D2HGDH: variants seen among roughly 807,000 people sequenced by gnomAD.
The protein encoded by D2HGDH is D-2-hydroxyglutarate dehydrogenase.
Under a neutral mutation model 46.9 loss-of-function variants are expected in D2HGDH, and 31 were observed. That is an observed-to-expected ratio of 0.66 (90% CI 0.50 to 0.89). The LOEUF (loss-of-function observed/expected upper bound fraction) is 0.89, where lower values mean the gene tolerates loss of function less well. Among genes scored for constraint, D2HGDH ranks in the 40% least tolerant of loss-of-function variants. The pLI is 0.00. For synonymous variants in D2HGDH, 364 were observed against 332.6 expected, an observed-to-expected ratio of 1.09 and a Z score of -1.03; for missense variants, 698 against 720.8, an observed-to-expected ratio of 0.97 and a Z score of 0.36.
chr2:241,735,622 C>A (rs1416579170), intron 2 of D2HGDH, 106 bp downstream of exon 2: 3 of 1,485,334 alleles, frequency 2.0e-6, no homozygotes, highest in Non-Finnish European at 2.7e-6. Context: ...GGGGTGCCAG[C>A]CCCTGGCTGC....
At chr2:241,753,887 T>C (rs545212392) in intron 8 of D2HGDH, among the ~76,000 whole-genome samples, 1 of 152,168 alleles carries the variant, frequency 6.6e-6, no homozygotes, top group Non-Finnish European at 1.5e-5. Flanking sequence ...GCTCAGCCCA[T>C]GGCCCCTCAG....
intron 6 of D2HGDH, among the ~76,000 whole-genome samples, chr2:241,745,883 C>T (rs62192012): frequency 0.099 from 15,086 of 152,158 alleles, 894 homozygotes; most frequent in African/African-American, 0.16. Context: ...AACGCTGACC[C>T]GCTGTCCTCT....
At position 241,735,168 on chromosome 2, in the gene D2HGDH, G is replaced by C; in HGVS notation, c.-57G>C. On this transcript the variant is annotated 5_prime_UTR_variant, in exon 2 of 10. Transcript: ENST00000321264. ...AGCGGCTCCCTGCCCTTCCCCTCCG[G>C]GCCCTGAGTACCGGCCCCCCACCAA... 2 of 1,444,584 alleles carry C rather than the reference G, an allele frequency of 1.4e-6. No homozygotes were observed. The highest frequency in any genetic ancestry group is 9.0e-7 in the Non-Finnish European group (1 of 1,110,042). The allele number at this position is 1,444,584 out of a possible 1,614,324, so 89.5% of individuals were successfully genotyped here. A position where few individuals can be genotyped will look rare whatever the true frequency, so the allele number is the denominator to read the frequency against.
At chr2:241,738,770 C>T (rs528089745) in intron 2 of D2HGDH, among the ~76,000 whole-genome samples, 1 of 152,338 alleles carries the variant, frequency 6.6e-6, no homozygotes, top group South Asian at 2.1e-4. Flanking sequence ...TCCTCTGCGT[C>T]CTGCTGCCCC....
intron 8 of D2HGDH, 52 bp downstream of exon 8, chr2:241,751,440 C>G (rs554512050): frequency 6.2e-7 from 1 of 1,607,204 alleles, no homozygotes; most frequent in East Asian, 2.2e-5. Context: ...CCAGTCCAGC[C>G]TTGTCTTGGG....
Position 241,755,975 on chromosome 2 carries a change from G to A in D2HGDH, c.1267G>A (p.Gly423Ser), listed in dbSNP as rs372062694. 1.9e-5 allele frequency: 30 copies of A among 1,604,630 alleles called. No individual in the cohort carries two copies. The African/African-American group carries it at 2.0e-4, about 11-fold the overall frequency. Reference sequence around the variant, plus strand: ...CGTGACTGACCTGCGCGCCCGCCTCGGCCCGCACGCCAAGCACGTGGTGGG... The same window carrying A: ...CGTGACTGACCTGCGCGCCCGCCTCAGCCCGCACGCCAAGCACGTGGTGGG... Reference protein sequence around the residue: ...DIVTDLRARLGPHAKHVVGYG... With the variant: ...DIVTDLRARLSPHAKHVVGYG... The change falls in exon 9 of 10, where the codon GGC becomes AGC. Residue 423 changes from glycine to serine, a missense_variant. Coordinates refer to ENST00000321264, the MANE Select transcript of D2HGDH (RefSeq NM_152783.5).
Position 241,750,271 on chromosome 2 carries a change from T to C in D2HGDH, c.974T>C (p.Leu325Pro). 6.2e-7 allele frequency: 1 copy of C among 1,613,638 alleles called. No individual in the cohort carries two copies. Among genetic ancestry groups the C allele is most frequent in the Non-Finnish European group, 8.5e-7 (1 of 1,180,022 alleles). Residue 325 changes from leucine to proline, a missense_variant, in exon 7 of 10, where the codon CTC (leucine) becomes CCC (proline). Coordinates refer to ENST00000321264, the MANE Select transcript of D2HGDH (RefSeq NM_152783.5). ...TGCATGCAGCTGGTCGGGCGCCATC[T>C]CCACCTGGCCAGCCCGGTGCAAGGT... ...AVCMQLVGRH[L>P]HLASPVQESP... is the part of the protein sequence containing the mutation.
chr2:241,734,993 G>T, intron 1 of D2HGDH, 140 bp from the exon 2 acceptor site: 1 of 523,990 alleles, frequency 1.9e-6, no homozygotes, highest in Non-Finnish European at 3.3e-6. Flanking sequence ...GCGCTCGCGG[G>T]GTTGCGGCCC....
intron 2 of D2HGDH, among the ~76,000 whole-genome samples, chr2:241,737,213 G>A (rs1693154123): frequency 6.6e-6 from 1 of 151,898 alleles, no homozygotes; most frequent in East Asian, 1.9e-4. Flanking sequence ...ATCGTGATCC[G>A]CCTGCCTCGG....
rs1043205857 is a variant in D2HGDH at position 241,753,135 on chromosome 2, A to G, written c.1140+1747A>G. ...ACGCTTCCTGGGACGGGTTCAGGAG[A>G]CGCCTTGTGTGTCTGTCACCTCGTT... On this transcript the variant is annotated intron_variant, in intron 8 of 9. Transcript: ENST00000321264. 3.9e-5 allele frequency among the ~76,000 whole-genome samples: 6 copies of G among 152,184 alleles called. No individual in the cohort carries two copies. The Middle Eastern group carries it at 0.017, about 431-fold the overall frequency.
At chr2:241,749,805 C>G (rs1420164980) in intron 6 of D2HGDH, 2 of 380,846 alleles carry the variant, frequency 5.3e-6, no homozygotes, top group Non-Finnish European at 1.0e-5. Flanking sequence ...ACCAGGCGTG[C>G]ACCTGCCCCT....
Position 241,768,095 on chromosome 2 carries a change from T to G in D2HGDH, c.*126T>G. On this transcript the variant is annotated 3_prime_UTR_variant, in exon 10 of 10. Transcript: ENST00000321264. Reference sequence around the variant, plus strand: ...GGACCAGGCACCTGGTTGAAGGGACTGGGAGCCCGCACTGGGGAACTGCCG... The same window carrying G: ...GGACCAGGCACCTGGTTGAAGGGACGGGGAGCCCGCACTGGGGAACTGCCG... 7.3e-7 allele frequency: 1 copy of G among 1,370,304 alleles called. No homozygotes were observed. Among genetic ancestry groups the G allele is most frequent in the Non-Finnish European group, 9.7e-7 (1 of 1,031,848 alleles). The allele number at this position is 1,370,304 out of a possible 1,614,324, so 84.9% of individuals were successfully genotyped here.
intron 2 of D2HGDH, among the ~76,000 whole-genome samples, chr2:241,740,321 C>T (rs764512954): frequency 2.8e-4 from 42 of 152,138 alleles, no homozygotes; most frequent in Admixed American, 1.8e-3. Context: ...ACACACATCA[C>T]GAAAGGAAGT....
At chr2:241,761,189 C>T (rs1202770076) in intron 9 of D2HGDH, among the ~76,000 whole-genome samples, 1 of 152,160 alleles carries the variant, frequency 6.6e-6, no homozygotes, top group Non-Finnish European at 1.5e-5. Context: ...ATAACAGTGA[C>T]AGACACAGCA....
chr2:241,757,435 A>G (rs996164375), intron 9 of D2HGDH, among the ~76,000 whole-genome samples: 1 of 129,406 alleles, frequency 7.7e-6, no homozygotes, highest in Admixed American at 7.7e-5. Flanking sequence ...GTCATCATCC[A>G]GAGAAGAGGG....
At chr2:241,748,015 A>G (rs931179966) in intron 6 of D2HGDH, among the ~76,000 whole-genome samples, 7 of 152,156 alleles carry the variant, frequency 4.6e-5, no homozygotes, top group Non-Finnish European at 7.4e-5. Flanking sequence ...GGGAAGCTTG[A>G]GGCCAAACCT....
At chr2:241,737,570 A>G (rs923380471) in intron 2 of D2HGDH, among the ~76,000 whole-genome samples, 1 of 151,662 alleles carries the variant, frequency 6.6e-6, no homozygotes, top group African/African-American at 2.4e-5. Context: ...CCTTACTGCA[A>G]CCTCCACTTC....
chr2:241,735,165 C>A lies in D2HGDH; in HGVS notation c.-60C>A. The A allele has an allele frequency of 7.0e-7, 1 of 1,438,788 alleles. No individual in the cohort carries two copies. 89.1% of individuals were successfully genotyped at this position (1,438,788 alleles called of 1,614,324 possible). A position where few individuals can be genotyped will look rare whatever the true frequency, so the allele number is the denominator to read the frequency against. The stretch of plus-strand genomic sequence containing the variant: ...GCCAGCGGCTCCCTGCCCTTCCCCT[C>A]CGGGCCCTGAGTACCGGCCCCCCAC... On this transcript the variant is annotated 5_prime_UTR_variant, in exon 2 of 10. Coordinates refer to ENST00000321264, the MANE Select transcript of D2HGDH (RefSeq NM_152783.5).
intron 7 of D2HGDH, among the ~76,000 whole-genome samples, chr2:241,750,867 C>T (rs1431914011): frequency 1.3e-5 from 2 of 152,150 alleles, no homozygotes; most frequent in African/African-American, 4.8e-5. Flanking sequence ...AAACAATTCT[C>T]CTGCCTCAGC....
Sources: gnomAD v4.1 joint callset for allele counts (sites outside exome capture counted in the v4.1 genomes callset) on GRCh38, gnomAD v4.1.1 for gene constraint, MANE v1.5 for transcripts, NCBI Gene and HGNC (gene_info 2026-07-23, HGNC 2026-07-21) for gene names.